CNTN5: variants seen among roughly 807,000 people sequenced by gnomAD.
The protein encoded by CNTN5 is contactin 5.
CNTN5 carries 77 observed loss-of-function variants against 129.1 expected under a neutral mutation model. That is an observed-to-expected ratio of 0.60 (90% CI 0.50 to 0.72). The LOEUF is 0.72. Ranked by LOEUF, CNTN5 falls within the 30% of genes least tolerant of loss-of-function variation. CNTN5 has a pLI of 0.00. For missense variants in CNTN5, 1,478 were observed against 1,328.8 expected, an observed-to-expected ratio of 1.11 and a Z score of -1.75; for synonymous variants, 509 against 465.6, an observed-to-expected ratio of 1.09 and a Z score of -1.20.
rs186090049 is a variant in CNTN5 at position 100,029,522 on chromosome 11, G to A, written c.980+27386G>A. Reference sequence around the variant, plus strand: ...GGCGTGAACCCAGGAGGTGGAGCTTGCAGTGAGCCGAGATGGCGCCACTGA... The same window carrying A: ...GGCGTGAACCCAGGAGGTGGAGCTTACAGTGAGCCGAGATGGCGCCACTGA... On this transcript the variant is annotated intron_variant, in intron 9 of 24. Coordinates refer to ENST00000524871, the MANE Select transcript of CNTN5 (RefSeq NM_014361.4). 3.9e-3 allele frequency among the ~76,000 whole-genome samples: 588 copies of A among 152,234 alleles called. 5 individuals are homozygous for A. The highest frequency in any genetic ancestry group is 0.013 in the African/African-American group (550 of 41,554).
In CNTN5 at chr11:100,090,501, T is replaced by TCCTCCCTCCCTTCCCTCCCTC. The variant is rs1555004280; in HGVS notation, c.1580+16218_1580+16219insTCCCTCCCTCCCTCCCTCCCT. ...TCTTTCCCTCCCTCCTTTCCTCCTT[T>TCCTCCCTCCCTTCCCTCCCTC]CCTCCCTCCCTCCCTCCCTCCCTCC... On this transcript the variant is annotated intron_variant, in intron 13 of 24. Coordinates refer to ENST00000524871, the MANE Select transcript of CNTN5 (RefSeq NM_014361.4). Among the ~76,000 whole-genome samples, 84 of 44,028 alleles carry TCCTCCCTCCCTTCCCTCCCTC rather than the reference T, an allele frequency of 1.9e-3. 3 individuals carry two copies. The highest frequency in any genetic ancestry group is 0.013 in the Middle Eastern group (1 of 76). 28.9% of individuals were successfully genotyped at this position (44,028 alleles called of 152,430 possible). A position where few individuals can be genotyped will look rare whatever the true frequency, so the allele number is the denominator to read the frequency against.
intron 13 of CNTN5, among the ~76,000 whole-genome samples, chr11:100,115,845 C>T (rs1236838382): frequency 6.6e-6 from 1 of 151,832 alleles, no homozygotes; most frequent in African/African-American, 2.4e-5. Flanking sequence ...TTTTGAAACT[C>T]AGAAACTAAG....
At chr11:99,830,797 A>C (rs976475287) in intron 4 of CNTN5, among the ~76,000 whole-genome samples, 1 of 152,114 alleles carries the variant, frequency 6.6e-6, no homozygotes, top group Non-Finnish European at 1.5e-5. Flanking sequence ...TTACCAATTT[A>C]AGTATATGTG....
At chr11:99,888,758 C>T (rs1948967079) in intron 6 of CNTN5, among the ~76,000 whole-genome samples, 2 of 152,286 alleles carry the variant, frequency 1.3e-5, no homozygotes, top group South Asian at 4.1e-4. Flanking sequence ...CCTCAGTGCT[C>T]TCAAAAAATC....
At chr11:99,951,433 TA>T (rs1950673573) in intron 7 of CNTN5, among the ~76,000 whole-genome samples, 1 of 152,068 alleles carries the variant, frequency 6.6e-6, no homozygotes. Flanking sequence ...ACCCCAAATC[TA>T]GGAGCCAAAA....
chr11:99,937,012 A>G (rs866338564), intron 7 of CNTN5, among the ~76,000 whole-genome samples: 8 of 152,214 alleles, frequency 5.3e-5, no homozygotes, highest in African/African-American at 1.9e-4. Flanking sequence ...TACAGTACAT[A>G]TAAGGTAGGT....
intron 1 of CNTN5, among the ~76,000 whole-genome samples, chr11:99,127,546 C>T (rs1001220059): frequency 6.6e-6 from 1 of 152,166 alleles, no homozygotes; most frequent in African/African-American, 2.4e-5. Context: ...TTGCATAAGA[C>T]AGTCCTCTTC....
chr11:99,610,948 C>A (rs1041534166), intron 3 of CNTN5, among the ~76,000 whole-genome samples: 3 of 152,026 alleles, frequency 2.0e-5, no homozygotes, highest in African/African-American at 7.2e-5. Flanking sequence ...TCCTAAGTAC[C>A]CAAGTACGCG....
chr11:100,298,983 C>G (rs921536785), intron 19 of CNTN5, among the ~76,000 whole-genome samples, 179 bp from the exon 20 acceptor site: 3 of 151,414 alleles, frequency 2.0e-5, no homozygotes, highest in African/African-American at 7.3e-5. Flanking sequence ...ACCTTTAAAG[C>G]TTTTTAACTT....
chr11:100,000,165 A>AAAATAAAT (rs575342411), intron 8 of CNTN5, among the ~76,000 whole-genome samples: 6 of 151,866 alleles, frequency 4.0e-5, no homozygotes, highest in Admixed American at 1.3e-4. Context: ...AATAATAATA[A>AAAATAAAT]AAATAAATAA....
At chr11:99,914,163 G>A (rs993762071) in intron 6 of CNTN5, among the ~76,000 whole-genome samples, 2 of 152,046 alleles carry the variant, frequency 1.3e-5, no homozygotes, top group Non-Finnish European at 2.9e-5. Flanking sequence ...CTTGACCCCA[G>A]GATTTACAGA....
At chr11:99,871,908 A>G (rs1331977148) in intron 6 of CNTN5, among the ~76,000 whole-genome samples, 1 of 151,458 alleles carries the variant, frequency 6.6e-6, no homozygotes, top group Non-Finnish European at 1.5e-5. Context: ...GGCTATATGC[A>G]TTCTTTATAT....
chr11:99,219,730 G>T (rs1182452387), intron 1 of CNTN5, among the ~76,000 whole-genome samples: 1 of 151,494 alleles, frequency 6.6e-6, no homozygotes, highest in East Asian at 1.9e-4. Context: ...AGATTTTAAA[G>T]AATTTCACTA....
At chr11:99,477,672 G>A (rs1035651283) in intron 2 of CNTN5, among the ~76,000 whole-genome samples, 7 of 151,912 alleles carry the variant, frequency 4.6e-5, no homozygotes, top group Admixed American at 2.6e-4. Context: ...ATCAGGGGCC[G>A]GGTGCAGTGG....
At chr11:99,331,994 A>G (rs978619671) in intron 2 of CNTN5, among the ~76,000 whole-genome samples, 3 of 152,094 alleles carry the variant, frequency 2.0e-5, no homozygotes, top group Admixed American at 2.0e-4. Flanking sequence ...TCCCAGCCAA[A>G]CCCAGCCACA....
chr11:100,203,798 G>A (rs202239501), intron 15 of CNTN5, among the ~76,000 whole-genome samples: 3 of 16,190 alleles, frequency 1.9e-4, no homozygotes, highest in Admixed American at 7.4e-4. Context: ...AAATGTGCAC[G>A]TACACACACA....
intron 7 of CNTN5, among the ~76,000 whole-genome samples, chr11:99,923,482 C>T (rs1056350867): frequency 1.3e-5 from 2 of 152,100 alleles, no homozygotes; most frequent in Non-Finnish European, 2.9e-5. Context: ...ATACTTTCTA[C>T]ATAAATAAGT....
chr11:99,237,388 A>G (rs369311090), intron 1 of CNTN5, among the ~76,000 whole-genome samples: 3 of 152,162 alleles, frequency 2.0e-5, no homozygotes, highest in African/African-American at 4.8e-5. Context: ...TAGTCATTTA[A>G]TAAGTATTTA....
chr11:99,620,594 C>G (rs1309963428), intron 3 of CNTN5, among the ~76,000 whole-genome samples: 1 of 149,724 alleles, frequency 6.7e-6, no homozygotes, highest in Non-Finnish European at 1.5e-5. Context: ...AACTGCATGC[C>G]TGGTTTTAAA....
Sources: allele counts gnomAD v4.1 joint callset (sites outside exome capture counted in the v4.1 genomes callset), GRCh38; gene constraint gnomAD v4.1.1; transcripts MANE v1.5; gene names NCBI Gene and HGNC (gene_info 2026-07-23, HGNC 2026-07-21).